LIMA1: variants seen among roughly 807,000 people sequenced by gnomAD.
The protein encoded by LIMA1 is LIM domain and actin binding 1.
A neutral mutation model predicts 62.6 loss-of-function variants in LIMA1; 52 were observed. The ratio of observed to expected loss-of-function variants is 0.83; its 90% CI spans 0.67 to 1.05. The LOEUF (loss-of-function observed/expected upper bound fraction) is 1.05. Among genes scored for constraint, LIMA1 ranks in the 50% least tolerant of loss-of-function variants. The pLI, the probability that LIMA1 is intolerant of heterozygous loss-of-function variation, is 0.00. For synonymous variants in LIMA1, 302 were observed against 317.8 expected, an observed-to-expected ratio of 0.95 and a Z score of 0.53; for missense variants, 780 against 902.2, an observed-to-expected ratio of 0.86 and a Z score of 1.74.
In LIMA1 at chr12:50,177,288, A is replaced by C; in HGVS notation, c.2056T>G (p.Ser686Ala). 6.2e-7 allele frequency: 1 copy of C among 1,614,160 alleles called. No homozygotes were observed. The highest frequency in any genetic ancestry group is 1.1e-5 in the South Asian group (1 of 91,086). ...NENLVENGAD[S>A]DEDDNSFLKQ... The stretch of plus-strand genomic sequence containing the variant: ...AGGAAGCTGTTATCATCTTCATCGG[A>C]GTCTGCACCATTTTCTACAAGATTC... Residue 686 changes from serine to alanine, a missense_variant, in exon 11 of 11, where the codon TCC becomes GCC. Ser to Ala is a moderately conservative substitution (Grantham distance 99, BLOSUM62 1). Transcript: ENST00000341247.
chr12:50,203,366 C>T (rs1043089030), intron 6 of LIMA1, among the ~76,000 whole-genome samples: 4 of 151,600 alleles, frequency 2.6e-5, no homozygotes, highest in Non-Finnish European at 5.9e-5. Context: ...CCGTTAAGCA[C>T]AGGACAACGT....
chr12:50,177,153 G>A lies in LIMA1; in HGVS notation c.2191C>T (p.Leu731Phe). The A allele has an allele frequency of 1.2e-6, 2 of 1,613,560 alleles. No homozygotes were observed. Among genetic ancestry groups the A allele is most frequent in the Non-Finnish European group, 1.7e-6 (2 of 1,179,684 alleles). ...TQNQKSQDVE[L>F]WEGEVVKELS... ...TCTTTGACCACTTCTCCCTCCCAGAGTTCCACATCCTGGGATTTCTGATTC... is the reference window on the plus strand; with the variant it reads ...TCTTTGACCACTTCTCCCTCCCAGAATTCCACATCCTGGGATTTCTGATTC... Residue 731 changes from leucine (L) to phenylalanine (F), a missense_variant, in exon 11 of 11, where the codon CTC becomes TTC. Leu to Phe is a conservative substitution (Grantham distance 22, BLOSUM62 0). Transcript: ENST00000341247.
chr12:50,191,312 G>C (rs542678087), intron 9 of LIMA1: 69 of 143,774 alleles, frequency 4.8e-4, no homozygotes, highest in African/African-American at 1.7e-3. Context: ...GATCACCCAA[G>C]GCCTGGAGAT....
At position 50,222,083 on chromosome 12, in the gene LIMA1, AT is replaced by A; in HGVS notation, c.567del (p.Lys189AsnfsTer6). Reference sequence around the variant, plus strand: ...TTAAGCCTGTTCAGCGGAACATTATATTTCTCTATTTTGCCCGAAGCATCTG... The same window carrying A: ...TTAAGCCTGTTCAGCGGAACATTATATTCTCTATTTTGCCCGAAGCATCTG... ...ENTDASGKIEKYNVPLNRLKM... is the reference protein window; with the variant it reads ...ENTDASGKIEXYNVPLNRLKM... On this transcript the variant is annotated frameshift_variant, in exon 4 of 11. Transcript: ENST00000341247. LOFTEE classifies it high-confidence loss of function. The A allele has an allele frequency of 6.2e-7, 1 of 1,614,016 alleles. No individual in the cohort carries two copies. Among genetic ancestry groups the A allele is most frequent in the Non-Finnish European group, 8.5e-7 (1 of 1,180,006 alleles).
At chr12:50,258,741 G>A (rs1004875133) in intron 1 of LIMA1, among the ~76,000 whole-genome samples, 12 of 145,950 alleles carry the variant, frequency 8.2e-5, no homozygotes, top group Non-Finnish European at 1.2e-4. Context: ...TCTGCCTCCC[G>A]GCTTCAAGCC....
intron 4 of LIMA1, among the ~76,000 whole-genome samples, chr12:50,209,942 C>T (rs371429045): frequency 2.5e-4 from 38 of 152,264 alleles, no homozygotes; most frequent in African/African-American, 8.7e-4. Context: ...GGATGACAGG[C>T]GTAAGCCACC....
At chr12:50,236,114 G>A (rs1272370317) in intron 2 of LIMA1, among the ~76,000 whole-genome samples, 1 of 151,642 alleles carries the variant, frequency 6.6e-6, no homozygotes, top group African/African-American at 2.4e-5. Context: ...GCAGTGAGCC[G>A]AGATTGCACC....
chr12:50,180,796 C>T lies in LIMA1; in HGVS notation c.1274+1108G>A, dbSNP rs145008937. The stretch of plus-strand genomic sequence containing the variant: ...GACAAATGTTAAAGGGGGTATAAAA[C>T]GGCAGCACTTCCACAAAAGAAATAA... On this transcript the variant is annotated intron_variant, in intron 10 of 10. Coordinates refer to ENST00000341247, the MANE Select transcript of LIMA1 (RefSeq NM_016357.5). Among the ~76,000 whole-genome samples the T allele has an allele frequency of 1.8e-3, 280 of 151,992 alleles. 1 individual carries two copies. The highest frequency in any genetic ancestry group is 6.4e-3 in the African/African-American group (264 of 41,454).
At chr12:50,232,574 G>T (rs111742751) in intron 2 of LIMA1, among the ~76,000 whole-genome samples, 123 of 151,680 alleles carry the variant, frequency 8.1e-4, no homozygotes, top group Non-Finnish European at 1.6e-3. Flanking sequence ...TCACCATGTT[G>T]ACCAGGCCAG....
At chr12:50,236,053 T>C (rs1452069294) in intron 2 of LIMA1, among the ~76,000 whole-genome samples, 2 of 151,724 alleles carry the variant, frequency 1.3e-5, no homozygotes, top group Non-Finnish European at 2.9e-5. Flanking sequence ...AAATTCCAGC[T>C]ACTAGAGAGA....
chr12:50,228,829 A>C (rs1941568781), intron 3 of LIMA1, among the ~76,000 whole-genome samples: 1 of 152,150 alleles, frequency 6.6e-6, no homozygotes, highest in Non-Finnish European at 1.5e-5. Context: ...TCCCCATCTC[A>C]ATTAATGGTA....
intron 9 of LIMA1, 142 bp from the exon 10 acceptor site, chr12:50,182,179 T>TA: frequency 1.2e-6 from 1 of 834,014 alleles, no homozygotes; most frequent in Non-Finnish European, 1.8e-6. Flanking sequence ...GCTACAATTC[T>TA]ATCAGCTGAC....
chr12:50,192,591 A>G, intron 8 of LIMA1, 30 bp from the exon 9 acceptor site: 1 of 1,507,248 alleles, frequency 6.6e-7, no homozygotes, highest in South Asian at 1.1e-5. Context: ...AAGACATTTT[A>G]CAGTATCTCA....
chr12:50,237,226 G>A (rs1301285606), intron 2 of LIMA1, among the ~76,000 whole-genome samples: 1 of 152,222 alleles, frequency 6.6e-6, no homozygotes, highest in African/African-American at 2.4e-5. Flanking sequence ...TAGCAGAGGA[G>A]TGGTAAATTA....
intron 7 of LIMA1, among the ~76,000 whole-genome samples, chr12:50,199,615 ACT>A (rs911220833): frequency 1.3e-5 from 2 of 150,884 alleles, no homozygotes; most frequent in Admixed American, 6.6e-5. Context: ...TCTCTCCTCT[ACT>A]CTGTTTTCTT....
chr12:50,268,419 C>A (rs918481075), intron 1 of LIMA1, among the ~76,000 whole-genome samples: 3 of 152,022 alleles, frequency 2.0e-5, no homozygotes, highest in African/African-American at 7.3e-5. Context: ...TTTTGCAGAC[C>A]CAGACCCTAA....
Position 50,176,657 on chromosome 12 carries a change from G to A in LIMA1, c.*407C>T, listed in dbSNP as rs948875304. The stretch of plus-strand genomic sequence containing the variant: ...CCTTTATACTAAAGTGCATTCAGTC[G>A]TAATGTTTAAGCCCCTAAATTCCTT... On this transcript the variant is annotated 3_prime_UTR_variant, in exon 11 of 11. Transcript: ENST00000341247. The A allele has an allele frequency of 1.9e-5, 3 of 158,588 alleles. No homozygotes were observed. The highest frequency in any genetic ancestry group is 1.8e-4 in the East Asian group (1 of 5,426). The allele number at this position is 158,588 out of a possible 1,614,324, so 9.8% of individuals were successfully genotyped here.
intron 2 of LIMA1, among the ~76,000 whole-genome samples, chr12:50,239,675 T>TAC (rs1941745605): frequency 3.3e-5 from 5 of 150,912 alleles, no homozygotes. Flanking sequence ...TTGGACCCCA[T>TAC]ACATATGTAA....
intron 3 of LIMA1, among the ~76,000 whole-genome samples, chr12:50,228,009 G>A (rs1404555556): frequency 2.6e-5 from 4 of 151,838 alleles, no homozygotes; most frequent in South Asian, 4.2e-4. Context: ...ACAGGCGCCC[G>A]CCACCGTGCC....
Sources: gnomAD v4.1 joint callset for allele counts (sites outside exome capture counted in the v4.1 genomes callset) on GRCh38, gnomAD v4.1.1 for gene constraint, MANE v1.5 for transcripts, NCBI Gene and HGNC (gene_info 2026-07-23, HGNC 2026-07-21) for gene names.